The following TANC2 variants were observed in gnomAD, a reference collection of about 807,000 sequenced individuals.
TANC2 encodes the protein protein TANC2.
In TANC2, 26 loss-of-function variants were observed where a neutral mutation model predicts 210.5. That is an observed-to-expected ratio of 0.12 (90% CI 0.09 to 0.17). The LOEUF (loss-of-function observed/expected upper bound fraction) is 0.17, where lower values mean the gene tolerates loss of function less well. Ranked by LOEUF, TANC2 falls within the 10% of genes least tolerant of loss-of-function variation. TANC2 has a pLI of 1.00. For missense variants in TANC2, 2,129 were observed against 2,608.9 expected (o/e 0.82, Z 4.01); for synonymous variants, 931 against 967.1 (o/e 0.96, Z 0.69).
chr17:63,147,601 T>C (rs2039507622), intron 4 of TANC2, among the ~76,000 whole-genome samples: 1 of 152,162 alleles, frequency 6.6e-6, no homozygotes, highest in Non-Finnish European at 1.5e-5. Flanking sequence ...TGACCCAGCT[T>C]ATCTGGGGTG....
At chr17:63,021,796 A>G (rs1232910315) in intron 2 of TANC2, among the ~76,000 whole-genome samples, 1 of 152,240 alleles carries the variant, frequency 6.6e-6, no homozygotes, top group African/African-American at 2.4e-5. Context: ...CAGAGCGTTA[A>G]GGGTAATTCT....
intron 2 of TANC2, among the ~76,000 whole-genome samples, chr17:63,066,505 T>C (rs1197372084): frequency 3.3e-5 from 5 of 151,978 alleles, no homozygotes. Flanking sequence ...AAAAGAGATA[T>C]CTACAGTGGA....
intron 14 of TANC2, among the ~76,000 whole-genome samples, chr17:63,367,124 C>T (rs1002520768): frequency 2.0e-5 from 3 of 152,242 alleles, no homozygotes; most frequent in African/African-American, 7.2e-5. Context: ...GAAAGTGAAT[C>T]TGGAAGTCCT....
At chr17:63,379,676 A>T (rs2047543003) in intron 14 of TANC2, 42 bp from the exon 15 acceptor site, 1 of 1,464,548 alleles carries the variant, frequency 6.8e-7, no homozygotes, top group African/African-American at 1.4e-5. Flanking sequence ...CTCAATAAAT[A>T]AATAAATTAA....
At chr17:63,336,686 C>T (rs2046041550) in intron 11 of TANC2, among the ~76,000 whole-genome samples, 1 of 152,008 alleles carries the variant, frequency 6.6e-6, no homozygotes, top group East Asian at 1.9e-4. Context: ...ATCAGATATG[C>T]TGTGGATGAA....
chr17:63,372,355 G>A (rs1314348291), intron 14 of TANC2, among the ~76,000 whole-genome samples: 3 of 152,156 alleles, frequency 2.0e-5, no homozygotes, highest in Non-Finnish European at 2.9e-5. Flanking sequence ...GGCTGCAAAG[G>A]TAGTAGGGTA....
At chr17:63,329,710 T>A (rs1336815540) in intron 11 of TANC2, among the ~76,000 whole-genome samples, 1 of 152,192 alleles carries the variant, frequency 6.6e-6, no homozygotes, top group African/African-American at 2.4e-5. Flanking sequence ...GACAGCAAAT[T>A]TAATAAATGT....
At chr17:63,242,576 A>G (rs184733123) in intron 8 of TANC2, among the ~76,000 whole-genome samples, 23 of 152,270 alleles carry the variant, frequency 1.5e-4, no homozygotes, top group African/African-American at 4.3e-4. Context: ...TTCCCTGCAG[A>G]TACCAAGGGA....
At chr17:62,992,855 T>C (rs1490340472) in intron 1 of TANC2, among the ~76,000 whole-genome samples, 2 of 152,280 alleles carry the variant, frequency 1.3e-5, no homozygotes, top group East Asian at 3.8e-4. Flanking sequence ...ACAAATGTAC[T>C]ATTTTAATAC....
At chr17:63,035,920 T>C (rs1287710474) in intron 2 of TANC2, among the ~76,000 whole-genome samples, 1 of 152,176 alleles carries the variant, frequency 6.6e-6, no homozygotes, top group Non-Finnish European at 1.5e-5. Flanking sequence ...TGGTATTTCA[T>C]TGTGGTTTTA....
chr17:63,319,333 C>T (rs1350763029), intron 11 of TANC2, among the ~76,000 whole-genome samples: 1 of 152,072 alleles, frequency 6.6e-6, no homozygotes, highest in African/African-American at 2.4e-5. Context: ...GAAGTTGAGA[C>T]CGAAGTGGGT....
intron 4 of TANC2, chr17:63,148,513 T>C (rs751019542): frequency 6.6e-6 from 1 of 152,294 alleles, no homozygotes; most frequent in East Asian, 1.9e-4. Context: ...TAAGCCGATA[T>C]GCATTCATCT....
intron 12 of TANC2, among the ~76,000 whole-genome samples, chr17:63,341,856 A>G (rs1224980668): frequency 6.6e-6 from 1 of 152,218 alleles, no homozygotes; most frequent in African/African-American, 2.4e-5. Context: ...GACATTCAAG[A>G]TGCTTGATGG....
chr17:63,015,385 G>A (rs1320329854), intron 2 of TANC2, among the ~76,000 whole-genome samples: 1 of 151,932 alleles, frequency 6.6e-6, no homozygotes, highest in Non-Finnish European at 1.5e-5. Context: ...TGTTACATAT[G>A]TATGCACGCG....
intron 2 of TANC2, among the ~76,000 whole-genome samples, chr17:63,058,719 G>A (rs1004289615): frequency 3.9e-5 from 6 of 152,040 alleles, no homozygotes; most frequent in African/African-American, 7.2e-5. Context: ...TTTGTTGAAC[G>A]TCAGATGGTT....
At chr17:63,126,862 T>G (rs1008793833) in intron 4 of TANC2, among the ~76,000 whole-genome samples, 3 of 152,140 alleles carry the variant, frequency 2.0e-5, no homozygotes, top group African/African-American at 7.2e-5. Context: ...CCCCACTGAT[T>G]CTTAGGACTC....
exon 18 of TANC2, chr17:63,395,746 G>T (rs2048136380): frequency 6.2e-7 from 1 of 1,613,146 alleles, no homozygotes; most frequent in Non-Finnish European, 8.5e-7. Flanking sequence ...CTCTTAGGTG[G>T]ATCATTTGGA....
At chr17:63,273,456 G>T (rs2043780890) in intron 9 of TANC2, among the ~76,000 whole-genome samples, 1 of 151,934 alleles carries the variant, frequency 6.6e-6, no homozygotes, top group Non-Finnish European at 1.5e-5. Context: ...ATAAATAATA[G>T]ACCCATTACA....
At chr17:63,220,302 A>C (rs917711445) in intron 7 of TANC2, among the ~76,000 whole-genome samples, 11 of 152,046 alleles carry the variant, frequency 7.2e-5, no homozygotes, top group Admixed American at 6.6e-4. Context: ...CTCATAAAAA[A>C]AAAAAAAGTC....
Sources: gnomAD v4.1 joint callset for allele counts (sites outside exome capture counted in the v4.1 genomes callset) on GRCh38, gnomAD v4.1.1 for gene constraint, MANE v1.5 for transcripts, NCBI Gene and HGNC (gene_info 2026-07-23, HGNC 2026-07-21) for gene names.